Variants in STT3A observed in about 807,000 individuals in gnomAD.
STT3A encodes the protein STT3 oligosaccharyltransferase complex catalytic subunit A, also known as dolichyl-diphosphooligosaccharide--protein glycosyltransferase subunit STT3A.
A neutral mutation model predicts 89.2 loss-of-function variants in STT3A; 34 were observed. That is an observed-to-expected ratio of 0.38 (90% confidence interval 0.29 to 0.51). The LOEUF is 0.51. Among genes scored for constraint, STT3A ranks in the 20% least tolerant of loss-of-function variants. STT3A has a pLI of 0.89. For synonymous variants in STT3A, 282 were observed against 310.3 expected (o/e 0.91, Z 0.96); for missense variants, 555 against 889.5 (o/e 0.62, Z 4.78).
chr11:125,605,251 G>C (rs1412910156), intron 6 of STT3A, among the ~76,000 whole-genome samples: 3 of 152,032 alleles, frequency 2.0e-5, no homozygotes, highest in Non-Finnish European at 4.4e-5. Context: ...GGGGCAATTG[G>C]GGCATGAGTA....
intron 3 of STT3A, among the ~76,000 whole-genome samples, chr11:125,597,931 C>T (rs1278707299): frequency 6.6e-6 from 1 of 151,970 alleles, no homozygotes; most frequent in Admixed American, 6.6e-5. Context: ...TGAGGAGACT[C>T]CACTGGGCAC....
chr11:125,605,058 C>T (rs1446349577), intron 6 of STT3A, among the ~76,000 whole-genome samples: 2 of 151,996 alleles, frequency 1.3e-5, no homozygotes, highest in East Asian at 3.9e-4. Flanking sequence ...GCTGTGATTG[C>T]CACTGCACTT....
At chr11:125,611,571 T>C (rs1260654463) in intron 11 of STT3A, 52 bp downstream of exon 11, 1 of 1,517,726 alleles carries the variant, frequency 6.6e-7, no homozygotes, top group East Asian at 2.3e-5. Context: ...CTGAGGTGCT[T>C]TTTTATCTGT....
At chr11:125,603,094 A>T in intron 5 of STT3A, 146 bp downstream of exon 5, 1 of 885,074 alleles carries the variant, frequency 1.1e-6, no homozygotes, top group South Asian at 1.8e-5. Flanking sequence ...AATTGGCTTC[A>T]CTCCAACCCC....
chr11:125,615,258 C>CT (rs1284950182), intron 15 of STT3A, among the ~76,000 whole-genome samples: 4 of 151,726 alleles, frequency 2.6e-5, no homozygotes, highest in Non-Finnish European at 5.9e-5. Context: ...CAGAGTGAAA[C>CT]TGTTTCAAAA....
At chr11:125,602,445 T>G in intron 4 of STT3A, 21 bp downstream of exon 4, 1 of 1,545,800 alleles carries the variant, frequency 6.5e-7, no homozygotes, top group Non-Finnish European at 8.7e-7. Flanking sequence ...CAGATGTGTT[T>G]TTTTTTTTAA....
chr11:125,612,479 T>C (rs1940056302), intron 11 of STT3A, 113 bp from the exon 12 acceptor site: 2 of 1,192,222 alleles, frequency 1.7e-6, no homozygotes, highest in East Asian at 4.9e-5. Context: ...TCACTTTTTG[T>C]GGAGGTCATG....
chr11:125,615,439 G>A (rs752067230), intron 15 of STT3A, among the ~76,000 whole-genome samples: 12 of 151,560 alleles, frequency 7.9e-5, no homozygotes, highest in Admixed American at 1.3e-4. Flanking sequence ...CTCCATATCC[G>A]TGGGTTCTGC....
chr11:125,607,430 A>G (rs1288967515), intron 8 of STT3A, among the ~76,000 whole-genome samples: 1 of 152,254 alleles, frequency 6.6e-6, no homozygotes, highest in Non-Finnish European at 1.5e-5. Context: ...CATAGTCCTT[A>G]AGGAAGTTTT....
At chr11:125,592,824 G>T (rs912884558), upstream of STT3A, 1 of 179,468 alleles carries the variant, frequency 5.6e-6, no homozygotes, top group Non-Finnish European at 1.2e-5. Flanking sequence ...ACGGGGGAGC[G>T]GTCCGGGAGG....
At chr11:125,601,047 A>G (rs897958921) in intron 3 of STT3A, among the ~76,000 whole-genome samples, 1 of 152,194 alleles carries the variant, frequency 6.6e-6, no homozygotes, top group Non-Finnish European at 1.5e-5. Context: ...TCAGTCTTCC[A>G]AAGTGCCGGG....
chr11:125,596,380 G>A (rs1591369518), intron 2 of STT3A, among the ~76,000 whole-genome samples: 3 of 152,260 alleles, frequency 2.0e-5, no homozygotes, highest in Admixed American at 6.5e-5. Context: ...CACGAGAATC[G>A]CTCGAACCTG....
At chr11:125,606,577 A>C in intron 8 of STT3A, 112 bp downstream of exon 8, 1 of 1,184,144 alleles carries the variant, frequency 8.4e-7, no homozygotes, top group South Asian at 1.8e-5. Context: ...CACAGCCTTT[A>C]TATTGAACTA....
At chr11:125,620,258 A>G (rs1940310754) in intron 17 of STT3A, 132 bp downstream of exon 17, 1 of 669,872 alleles carries the variant, frequency 1.5e-6, no homozygotes, top group Middle Eastern at 3.3e-4. Context: ...AGTAGCTTGC[A>G]AACTCACTGA....
chr11:125,604,261 A>T lies in STT3A; in HGVS notation c.508+14A>T, dbSNP rs767162946. The T allele has an allele frequency of 1.4e-5, 22 of 1,612,854 alleles. No individual in the cohort carries two copies. The highest frequency in any genetic ancestry group is 1.9e-5 in the Non-Finnish European group (22 of 1,178,972). ...ATGATAATGAAGGTAAGACTTTTAAAATGCTGAAGAAGATCATCTCACCTC... is the reference window on the plus strand; with the variant it reads ...ATGATAATGAAGGTAAGACTTTTAATATGCTGAAGAAGATCATCTCACCTC... On this transcript the variant is annotated intron_variant, in intron 6 of 17. Coordinates refer to ENST00000392708, the MANE Select transcript of STT3A (RefSeq NM_152713.5).
At position 125,618,374 on chromosome 11, in the gene STT3A, T is replaced by C. The variant is rs1367749619; in HGVS notation, c.1776T>C (p.Asp592=). ...FGGLTGYSSD[D]INKFLWMVRI... is the part of the protein sequence containing the mutation. ...GTTCTTTTTTTTTTTTTCTCCTAGA[T>C]ATCAACAAGTTTCTTTGGATGGTCC... is the stretch of plus-strand genomic sequence containing the variant. Residue 592 remains aspartate (D), a splice_region_variant and synonymous_variant, in exon 16 of 18, where the codon GAT becomes GAC. Coordinates refer to ENST00000392708, the MANE Select transcript of STT3A (RefSeq NM_152713.5). 2 of 1,584,076 alleles carry C rather than the reference T, an allele frequency of 1.3e-6. No individual in the cohort carries two copies. Among genetic ancestry groups the C allele is most frequent in the Admixed American group, 1.9e-5 (1 of 53,074 alleles).
intron 5 of STT3A, 82 bp from the exon 6 acceptor site, chr11:125,604,074 TA>T: frequency 7.1e-7 from 1 of 1,416,940 alleles, no homozygotes. Flanking sequence ...GGGCTCATTA[TA>T]AACAGAATGG....
intron 1 of STT3A, among the ~76,000 whole-genome samples, chr11:125,594,612 A>G (rs1014680322): frequency 8.6e-5 from 13 of 150,620 alleles, no homozygotes; most frequent in African/African-American, 3.2e-4. Flanking sequence ...AGATAGTAGT[A>G]CTGTCTTATA....
chr11:125,609,436 A>G lies in STT3A; in HGVS notation c.964A>G (p.Lys322Glu). Residue 322 changes from lysine (K) to glutamate (E), a missense_variant and splice_region_variant, in exon 10 of 18, where the codon AAA becomes GAA. Around this residue, in one of 5 missense-constraint regions of STT3A, gnomAD observed 149 missense variants for 206.2 expected, o/e 0.72. Transcript: ENST00000392708. ...ATTTATTGCCTCTTTGCTGCTAGGA[A>G]AAATATCTCCCTGGACGGGGCGTTT... The part of the protein sequence containing the change: ...TVGALLMLTG[K>E]ISPWTGRFYS... 1 of 1,600,228 alleles carries G rather than the reference A, an allele frequency of 6.2e-7. No homozygotes were observed. The highest frequency in any genetic ancestry group is 8.5e-7 in the Non-Finnish European group (1 of 1,175,112).
Sources: allele counts gnomAD v4.1 joint callset (sites outside exome capture counted in the v4.1 genomes callset), GRCh38; gene constraint gnomAD v4.1.1; regional missense constraint gnomAD v4.1.1; transcripts MANE v1.5; gene names NCBI Gene and HGNC (gene_info 2026-07-23, HGNC 2026-07-21).